The following MYCBP2 variants were observed in gnomAD, a reference collection of about 807,000 sequenced individuals.
The protein encoded by MYCBP2 is MYC binding protein 2.
In MYCBP2, 120 loss-of-function variants were observed where a neutral mutation model predicts 525.3. The observed-to-expected ratio is 0.23, with a 90% CI of 0.20 to 0.27. MYCBP2 has a LOEUF of 0.27. Ranked by LOEUF, MYCBP2 falls within the 10% of genes least tolerant of loss-of-function variation. MYCBP2 has a pLI of 1.00. For synonymous variants in MYCBP2, 1,894 were observed against 1,955.8 expected, an observed-to-expected ratio of 0.97 and a Z score of 0.83; for missense variants, 4,149 against 5,657.1, an observed-to-expected ratio of 0.73 and a Z score of 8.55.
chr13:77,280,639 C>T (rs1268015955), intron 3 of MYCBP2, among the ~76,000 whole-genome samples: 2 of 152,150 alleles, frequency 1.3e-5, no homozygotes, highest in Non-Finnish European at 2.9e-5. Context: ...AATTATTGAA[C>T]CTTGCCAGAA....
chr13:77,280,733 C>G (rs1453756292), intron 3 of MYCBP2, among the ~76,000 whole-genome samples: 1 of 152,156 alleles, frequency 6.6e-6, no homozygotes, highest in Admixed American at 6.5e-5. Flanking sequence ...ATAGGCAACT[C>G]AGGTGGGCTG....
chr13:77,200,236 G>A lies in MYCBP2; in HGVS notation c.3843+5020C>T, dbSNP rs1304329495. 2.4e-4 allele frequency among the ~76,000 whole-genome samples: 36 copies of A among 152,290 alleles called. No individual in the cohort carries two copies. In the East Asian group the frequency reaches 6.0e-3, roughly 25 times the overall value. ...ATGAAAACCAAGGCTCGAGAACTAC[G>A]TGAAGAATGCAGAAGCCTCAGGAGC... On this transcript the variant is annotated intron_variant, in intron 26 of 82. Transcript: ENST00000544440.
At chr13:77,251,512 A>T (rs760243935) in intron 14 of MYCBP2, among the ~76,000 whole-genome samples, 157 bp from the exon 15 acceptor site, 2 of 152,258 alleles carry the variant, frequency 1.3e-5, no homozygotes, top group Non-Finnish European at 2.9e-5. Flanking sequence ...ATTTTAATTT[A>T]GGGACCACTA....
At chr13:77,179,391 A>C (rs1417666462) in intron 34 of MYCBP2, among the ~76,000 whole-genome samples, 1 of 152,218 alleles carries the variant, frequency 6.6e-6, no homozygotes, top group East Asian at 1.9e-4. Flanking sequence ...GAAAAAACAG[A>C]AACATTCCCC....
chr13:77,239,629 G>T (rs545696251), intron 17 of MYCBP2, among the ~76,000 whole-genome samples: 53 of 152,252 alleles, frequency 3.5e-4, no homozygotes, highest in African/African-American at 1.2e-3. Flanking sequence ...CACCTGGAAC[G>T]CTATTAAAGC....
At position 77,157,932 on chromosome 13, in the gene MYCBP2, T is replaced by C. The variant is rs1411445244; in HGVS notation, c.6770+5A>G. On this transcript the variant is annotated splice_donor_5th_base_variant and intron_variant, in intron 45 of 82. Coordinates refer to ENST00000544440, the MANE Select transcript of MYCBP2 (RefSeq NM_015057.5). ...AATAAAGTAAGTAACTTAAAGTACA[T>C]TTACCTTGCAAGCCTTCCACCACTT... The C allele has an allele frequency of 2.5e-6, 4 of 1,608,188 alleles. No individual in the cohort carries two copies. Among genetic ancestry groups the C allele is most frequent in the South Asian group, 1.1e-5 (1 of 89,558 alleles).
At position 77,166,568 on chromosome 13, in the gene MYCBP2, G is replaced by A; in HGVS notation, c.6115-14C>T. The A allele has an allele frequency of 3.8e-6, 6 of 1,584,018 alleles. No individual in the cohort carries two copies. The highest frequency in any genetic ancestry group is 5.2e-6 in the Non-Finnish European group (6 of 1,155,502). ...TGGGAATGTCACCTGAGGTCAACAG[G>A]CAAAGTGACATGAATACAGATATAT... On this transcript the variant is annotated splice_polypyrimidine_tract_variant and intron_variant, in intron 40 of 82. Transcript: ENST00000544440.
intron 15 of MYCBP2, among the ~76,000 whole-genome samples, chr13:77,247,519 C>G (rs1343497101): frequency 6.6e-6 from 1 of 152,178 alleles, no homozygotes; most frequent in African/African-American, 2.4e-5. Context: ...TCTACAGATT[C>G]ATTGTAATCC....
chr13:77,056,850 C>T, intron 79 of MYCBP2, 136 bp downstream of exon 79: 2 of 636,506 alleles, frequency 3.1e-6, no homozygotes, highest in Non-Finnish European at 5.6e-6. Flanking sequence ...TTCTCAGGTT[C>T]CACATGAATG....
chr13:77,131,227 T>C (rs2052729528), intron 52 of MYCBP2, among the ~76,000 whole-genome samples: 1 of 152,132 alleles, frequency 6.6e-6, no homozygotes, highest in African/African-American at 2.4e-5. Flanking sequence ...AAATAAAATA[T>C]ACTTGAATAG....
At chr13:77,292,284 C>G (rs546180810) in intron 2 of MYCBP2, among the ~76,000 whole-genome samples, 1 of 152,252 alleles carries the variant, frequency 6.6e-6, no homozygotes, top group East Asian at 1.9e-4. Context: ...GCTCTGTATC[C>G]TTTGTTGTAA....
intron 18 of MYCBP2, among the ~76,000 whole-genome samples, chr13:77,225,957 G>A (rs1338385619): frequency 1.3e-5 from 2 of 152,096 alleles, no homozygotes; most frequent in African/African-American, 4.8e-5. Context: ...GTTAGTACTA[G>A]CCATTTTTAA....
rs779950768 is a variant in MYCBP2, at chr13:77,326,811, CGCGGG to C, written c.-41_-37del. On this transcript the variant is annotated 5_prime_UTR_variant, in exon 1 of 83. Coordinates refer to ENST00000544440, the MANE Select transcript of MYCBP2 (RefSeq NM_015057.5). The surrounding 1 kb of genome is among the most constrained non-coding windows in gnomAD (Gnocchi z 4.2). ...GCCGCCGCCGCCGCCGCCTCGTCCC[CGCGGG>C]CCGGGCGGGCAGACACGCGCGCGCA... 124 of 1,393,528 alleles carry C rather than the reference CGCGGG, an allele frequency of 8.9e-5. No individual in the cohort carries two copies. The highest frequency in any genetic ancestry group is 1.2e-4 in the Admixed American group (3 of 25,320). 86.3% of individuals were successfully genotyped at this position (1,393,528 alleles called of 1,614,324 possible).
At chr13:77,243,287 A>T in intron 16 of MYCBP2, 127 bp from the exon 17 acceptor site, 1 of 755,008 alleles carries the variant, frequency 1.3e-6, no homozygotes. Context: ...CAATATTTTT[A>T]CTTTAATAAT....
intron 46 of MYCBP2, among the ~76,000 whole-genome samples, chr13:77,153,705 CCTATGTGACTTT>C (rs145808306): frequency 0.066 from 9,973 of 151,958 alleles, 350 homozygotes; most frequent in Middle Eastern, 0.075. Context: ...TCTTGTATTT[CCTATGTGACTTT>C]CTCTTGTCAA....
At chr13:77,176,836 C>T (rs1268685151) in intron 35 of MYCBP2, among the ~76,000 whole-genome samples, 1 of 152,010 alleles carries the variant, frequency 6.6e-6, no homozygotes, top group Non-Finnish European at 1.5e-5. Flanking sequence ...CATAAATAAG[C>T]TTTTCTCATC....
intron 23 of MYCBP2, among the ~76,000 whole-genome samples, chr13:77,208,413 T>C (rs2063599030): frequency 6.6e-6 from 1 of 152,102 alleles, no homozygotes; most frequent in South Asian, 2.1e-4. Flanking sequence ...TGTAGATACC[T>C]GTGTATTTGT....
rs1450462895 is a variant in MYCBP2, at chr13:77,054,941, T to C, written c.13647+617A>G. Among the ~76,000 whole-genome samples, 6 of 152,168 alleles carry C rather than the reference T, an allele frequency of 3.9e-5. 1 individual carries two copies. Among genetic ancestry groups the C allele is most frequent in the Admixed American group, 1.3e-4 (2 of 15,282 alleles). On this transcript the variant is annotated intron_variant, in intron 80 of 82. Transcript: ENST00000544440. ...AATACCTGACATGTGAACTCTGAAG[T>C]ATGTGTGAGAGATCCAAATGTCTGG...
intron 52 of MYCBP2, among the ~76,000 whole-genome samples, chr13:77,134,754 T>A (rs1262462323): frequency 1.3e-5 from 2 of 152,166 alleles, no homozygotes; most frequent in Non-Finnish European, 2.9e-5. Context: ...TGTTATTTTG[T>A]CTCTCAACTA....
Sources: gnomAD v4.1 joint callset for allele counts (sites outside exome capture counted in the v4.1 genomes callset) on GRCh38, gnomAD v4.1.1 for gene constraint, Gnocchi (gnomAD v3.1) non-coding constraint, MANE v1.5 for transcripts, NCBI Gene and HGNC (gene_info 2026-07-23, HGNC 2026-07-21) for gene names.